The following SMARCA2 variants were observed in gnomAD, a reference collection of about 807,000 sequenced individuals.
SMARCA2 encodes SWI/SNF-related matrix-associated actin-dependent regulator of chromatin subfamily A member 2.
SMARCA2 carries 61 observed loss-of-function variants against 199.8 expected under a neutral mutation model. The ratio of observed to expected loss-of-function variants is 0.31; its 90% CI spans 0.25 to 0.38. The LOEUF (loss-of-function observed/expected upper bound fraction) is 0.38. Among genes scored for constraint, SMARCA2 ranks in the 10% least tolerant of loss-of-function variants. The pLI is 1.00. For synonymous variants in SMARCA2, 935 were observed against 732.0 expected (o/e 1.28, Z -4.48); for missense variants, 1,344 against 2,012.2 (o/e 0.67, Z 6.35).
chr9:2,046,373 G>C (rs1039146572), intron 4 of SMARCA2, among the ~76,000 whole-genome samples: 2 of 152,152 alleles, frequency 1.3e-5, no homozygotes, highest in South Asian at 4.1e-4. Context: ...ATTACATATT[G>C]TTTTATTCTG....
rs916336309 is a variant in SMARCA2 at position 2,169,321 on chromosome 9, T to G, written c.4200-1098T>G. ...TCATTTCATATTGTAACTTTAGAAC[T>G]CTTCACAGCGGCCCCGTTGCCTACC... On this transcript the variant is annotated intron_variant, in intron 28 of 33. Coordinates refer to ENST00000349721, the MANE Select transcript of SMARCA2 (RefSeq NM_003070.5). The surrounding 1 kb of genome is among the most constrained non-coding windows in gnomAD (Gnocchi z 6.5). 6.6e-6 allele frequency among the ~76,000 whole-genome samples: 1 copy of G among 152,190 alleles called. No individual in the cohort carries two copies. Among genetic ancestry groups the G allele is most frequent in the African/African-American group, 2.4e-5 (1 of 41,450 alleles).
At chr9:2,142,588 TA>T (rs1824517193) in intron 27 of SMARCA2, among the ~76,000 whole-genome samples, 1 of 152,198 alleles carries the variant, frequency 6.6e-6, no homozygotes, top group Non-Finnish European at 1.5e-5. Context: ...TGGCCTCCTA[TA>T]AATGTTATTT....
intron 27 of SMARCA2, among the ~76,000 whole-genome samples, chr9:2,148,595 C>G (rs1824884911): frequency 6.6e-6 from 1 of 151,358 alleles, no homozygotes; most frequent in South Asian, 2.1e-4. Context: ...CACCCATTAA[C>G]TCGTCATTTA....
chr9:2,179,168 A>T (rs113051795), intron 29 of SMARCA2, among the ~76,000 whole-genome samples: 3 of 152,176 alleles, frequency 2.0e-5, no homozygotes, highest in Non-Finnish European at 4.4e-5. Context: ...GGGATTGCCC[A>T]TGAAAGTTGG....
intron 25 of SMARCA2, among the ~76,000 whole-genome samples, 175 bp downstream of exon 25, chr9:2,116,224 G>C (rs1823210349): frequency 6.6e-6 from 1 of 152,206 alleles, no homozygotes; most frequent in Non-Finnish European, 1.5e-5. Flanking sequence ...TCCAAAATGA[G>C]TGTCTTAAGA....
chr9:2,181,777 C>G, intron 30 of SMARCA2, 101 bp downstream of exon 30: 2 of 697,546 alleles, frequency 2.9e-6, no homozygotes, highest in East Asian at 5.2e-5. Flanking sequence ...CTGATGGGTA[C>G]CCAGGGCTCG....
At chr9:2,052,382 A>G (rs1467932154) in intron 5 of SMARCA2, among the ~76,000 whole-genome samples, 1 of 152,158 alleles carries the variant, frequency 6.6e-6, no homozygotes, top group Non-Finnish European at 1.5e-5. Context: ...GCTGAGAGGC[A>G]GGAGAATCGC....
chr9:2,179,063 G>A (rs1271130143), intron 29 of SMARCA2, among the ~76,000 whole-genome samples: 1 of 152,218 alleles, frequency 6.6e-6, no homozygotes, highest in Non-Finnish European at 1.5e-5. Context: ...GAGGGATAAG[G>A]AAATACTTGG....
At chr9:2,097,684 C>T (rs1315486711) in intron 21 of SMARCA2, among the ~76,000 whole-genome samples, 1 of 152,112 alleles carries the variant, frequency 6.6e-6, no homozygotes, top group African/African-American at 2.4e-5. Flanking sequence ...ATTTGAGCAT[C>T]TGGAATTTTA....
chr9:2,024,244 A>G (rs1397708080), intron 1 of SMARCA2, among the ~76,000 whole-genome samples: 1 of 152,086 alleles, frequency 6.6e-6, no homozygotes, highest in Non-Finnish European at 1.5e-5. Context: ...TACCTTCTCC[A>G]TTACACTTTA....
chr9:2,099,444 C>T (rs1822412314), intron 21 of SMARCA2, among the ~76,000 whole-genome samples: 1 of 152,084 alleles, frequency 6.6e-6, no homozygotes, highest in South Asian at 2.1e-4. Context: ...TTGAGCCATG[C>T]TGGGCTAAGT....
At chr9:2,182,584 C>T (rs934878722) in intron 31 of SMARCA2, among the ~76,000 whole-genome samples, 17 of 148,528 alleles carry the variant, frequency 1.1e-4, no homozygotes, top group African/African-American at 4.2e-4. Flanking sequence ...ACCTCCGCCT[C>T]CCAGGTTCAA....
At position 2,186,244 on chromosome 9, in the gene SMARCA2, C is replaced by T. The variant is rs377486807; in HGVS notation, c.4594+16C>T. On this transcript the variant is annotated intron_variant, in intron 32 of 33. Coordinates refer to ENST00000349721, the MANE Select transcript of SMARCA2 (RefSeq NM_003070.5). ...GAGTCCGAGGGTAAGCCCAGACATT[C>T]GGGTCCTGTACATCTTTGCCCCTCC... 105 of 1,609,136 alleles carry T rather than the reference C, an allele frequency of 6.5e-5. No individual in the cohort carries two copies. In the African/African-American group the frequency reaches 1.3e-3, roughly 19 times the overall value.
chr9:2,150,568 G>C (rs900845088), intron 27 of SMARCA2, among the ~76,000 whole-genome samples: 1 of 151,614 alleles, frequency 6.6e-6, no homozygotes, highest in Non-Finnish European at 1.5e-5. Flanking sequence ...TTACTCCGAG[G>C]GGTGTGTTAT....
intron 6 of SMARCA2, 111 bp downstream of exon 6, chr9:2,054,834 A>G: frequency 9.2e-7 from 1 of 1,088,286 alleles, no homozygotes; most frequent in Non-Finnish European, 1.3e-6. Flanking sequence ...AGATATAAAG[A>G]TATAAATATA....
chr9:2,141,533 T>G (rs1824459091), intron 27 of SMARCA2, among the ~76,000 whole-genome samples: 1 of 152,206 alleles, frequency 6.6e-6, no homozygotes, highest in African/African-American at 2.4e-5. Context: ...ATTGAACGTC[T>G]TCAAGCCTTT....
rs565703878 is a variant in SMARCA2 at position 2,020,267 on chromosome 9, C to T, written c.-37+4863C>T. Among the ~76,000 whole-genome samples the T allele has an allele frequency of 4.0e-3, 595 of 149,796 alleles. 6 individuals carry two copies. The highest frequency in any genetic ancestry group is 0.01 in the South Asian group (49 of 4,734). The stretch of plus-strand genomic sequence containing the variant: ...ATTATCTTCTAAATTGTTTTTTTTT[C>T]CCCCTTAAATATTGTGTTTTGGAGA... On this transcript the variant is annotated intron_variant, in intron 1 of 33. Coordinates refer to ENST00000349721, the MANE Select transcript of SMARCA2 (RefSeq NM_003070.5).
In SMARCA2 at chr9:2,076,607, C is replaced by G. The variant is rs57170835; in HGVS notation, c.2036+278C>G. Among the ~76,000 whole-genome samples the G allele has an allele frequency of 4.2e-3, 645 of 151,984 alleles. 18 individuals are homozygous for G. The highest frequency in any genetic ancestry group is 0.042 in the East Asian group (214 of 5,130). On this transcript the variant is annotated intron_variant, in intron 13 of 33. Transcript: ENST00000349721. Reference sequence around the variant, plus strand: ...TTAATCCCCACCTCCAGCTCAGGCTCACTCCTGAGCCTCACACCTGTCGTC... The same window carrying G: ...TTAATCCCCACCTCCAGCTCAGGCTGACTCCTGAGCCTCACACCTGTCGTC...
intron 6 of SMARCA2, 28 bp downstream of exon 6, chr9:2,054,751 G>C (rs769422683): frequency 1.9e-6 from 3 of 1,612,122 alleles, no homozygotes; most frequent in East Asian, 4.5e-5. Flanking sequence ...GTGAATCTGA[G>C]ATGTAGGAAA....
Sources: gnomAD v4.1 joint callset for allele counts (sites outside exome capture counted in the v4.1 genomes callset) on GRCh38, gnomAD v4.1.1 for gene constraint, Gnocchi (gnomAD v3.1) non-coding constraint, MANE v1.5 for transcripts, NCBI Gene and HGNC (gene_info 2026-07-23, HGNC 2026-07-21) for gene names.